The following ANKRD13B variants were observed in gnomAD, a reference collection of about 807,000 sequenced individuals.
ANKRD13B encodes ankyrin repeat domain 13B.
ANKRD13B carries 33 observed loss-of-function variants against 74.4 expected under a neutral mutation model. The observed-to-expected ratio is 0.44, with a 90% CI of 0.34 to 0.59. ANKRD13B has a LOEUF of 0.59. Ranked by LOEUF, ANKRD13B falls within the 20% of genes least tolerant of loss-of-function variation. The probability of loss-of-function intolerance (pLI) is 0.02; values close to 1 mark genes in which losing one functional copy is unlikely to be tolerated. For missense variants in ANKRD13B, 676 were observed against 877.9 expected (o/e 0.77, Z 2.91); for synonymous variants, 341 against 362.9 (o/e 0.94, Z 0.68).
chr17:29,602,252 G>A (rs1041397506), intron 1 of ANKRD13B, among the ~76,000 whole-genome samples: 2 of 152,196 alleles, frequency 1.3e-5, no homozygotes, highest in Middle Eastern at 3.4e-3. Context: ...AAAATTAGCC[G>A]GGCGTGGTGG....
intron 1 of ANKRD13B, among the ~76,000 whole-genome samples, chr17:29,600,796 C>A (rs1236256687): frequency 6.6e-6 from 1 of 152,184 alleles, no homozygotes; most frequent in East Asian, 1.9e-4. Flanking sequence ...TTAGTTTCAG[C>A]TTCCTCTGCT....
intron 1 of ANKRD13B, among the ~76,000 whole-genome samples, chr17:29,606,651 G>A (rs1224596871): frequency 1.3e-5 from 2 of 149,436 alleles, no homozygotes; most frequent in South Asian, 2.1e-4. Context: ...AGCTGCTTGG[G>A]AGGCTGAAAC....
In ANKRD13B at chr17:29,593,608, A is replaced by C; in HGVS notation, c.-14A>C. 4 of 1,288,038 alleles carry C rather than the reference A, an allele frequency of 3.1e-6. No individual in the cohort carries two copies. Among genetic ancestry groups the C allele is most frequent in the East Asian group, 3.8e-5 (1 of 26,590 alleles). The allele number at this position is 1,288,038 out of a possible 1,614,324, so 79.8% of individuals were successfully genotyped here. ...CCCGGCCGGGCGCCGCGGCCCCGGC[A>C]TGAGGAGCGGGCGATGATCCCCGCC... On this transcript the variant is annotated 5_prime_UTR_variant, in exon 1 of 15. It removes an upstream start codon present in the reference 5' UTR. Coordinates refer to ENST00000394859, the MANE Select transcript of ANKRD13B (RefSeq NM_152345.5).
In ANKRD13B at chr17:29,611,732, T is replaced by G. The variant is rs1188739486; in HGVS notation, c.969+89T>G. On this transcript the variant is annotated intron_variant, in intron 9 of 14. Transcript: ENST00000394859. This position sits in a 1 kb window ranked among gnomAD's most constrained non-coding sequence, Gnocchi z 4.3. The stretch of plus-strand genomic sequence containing the variant: ...GAAGCGTCCTGCTTAGCATGGCCTA[T>G]GTGGACCTCCTTTCCACAATGCCCA... The G allele has an allele frequency of 6.3e-7, 1 of 1,579,652 alleles. No individual in the cohort carries two copies. Among genetic ancestry groups the G allele is most frequent in the Non-Finnish European group, 8.7e-7 (1 of 1,150,880 alleles).
At chr17:29,596,610 C>T (rs1384270969) in intron 1 of ANKRD13B, among the ~76,000 whole-genome samples, 1 of 152,176 alleles carries the variant, frequency 6.6e-6, no homozygotes, top group Non-Finnish European at 1.5e-5. Context: ...CTGAAGTGGG[C>T]AGATTGTGGT....
chr17:29,598,939 A>G (rs1229656647), intron 1 of ANKRD13B, among the ~76,000 whole-genome samples: 2 of 152,102 alleles, frequency 1.3e-5, no homozygotes, highest in South Asian at 2.1e-4. Context: ...TCTAGCAAAT[A>G]TTTATGTGCC....
In ANKRD13B at chr17:29,612,845, G is replaced by A. The variant is rs756427362; in HGVS notation, c.1575+30G>A. ...GTCTCCGCGGGCGCGCGGGGCCACG[G>A]GACTCCGCGCCGCCACGGCTAACGC... On this transcript the variant is annotated intron_variant, in intron 13 of 14. Coordinates refer to ENST00000394859, the MANE Select transcript of ANKRD13B (RefSeq NM_152345.5). This position sits in a 1 kb window ranked among gnomAD's most constrained non-coding sequence, Gnocchi z 6.1. The A allele has an allele frequency of 6.2e-7, 1 of 1,600,350 alleles. No homozygotes were observed. The highest frequency in any genetic ancestry group is 1.1e-5 in the South Asian group (1 of 90,784).
intron 1 of ANKRD13B, 42 bp downstream of exon 1, chr17:29,593,777 G>T (rs543202795): frequency 8.0e-7 from 1 of 1,257,064 alleles, no homozygotes; most frequent in Non-Finnish European, 1.0e-6. Flanking sequence ...CCGCGGCCGG[G>T]CACGCCCGTC....
At position 29,611,548 on chromosome 17, in the gene ANKRD13B, G is replaced by A. The variant is rs761098279; in HGVS notation, c.905-31G>A. 22 of 1,608,832 alleles carry A rather than the reference G, an allele frequency of 1.4e-5. 1 individual carries two copies. The highest frequency in any genetic ancestry group is 6.7e-5 in the Admixed American group (4 of 59,982). ...GGTGCCCAGGTGTGTGTGGAGTTGC[G>A]GTGTCCTCTGAGATGCCACATTTCT... On this transcript the variant is annotated intron_variant, in intron 8 of 14. Coordinates refer to ENST00000394859, the MANE Select transcript of ANKRD13B (RefSeq NM_152345.5). The surrounding 1 kb of genome is among the most constrained non-coding windows in gnomAD (Gnocchi z 4.3).
intron 7 of ANKRD13B, among the ~76,000 whole-genome samples, chr17:29,610,346 AC>A (rs2034539491): frequency 6.6e-6 from 1 of 151,958 alleles, no homozygotes; most frequent in African/African-American, 2.4e-5. Flanking sequence ...CCTCTGTGCT[AC>A]CCCCACCAGT....
rs1312541382 is a variant in ANKRD13B at position 29,612,595 on chromosome 17, C to T, written c.1411+41C>T. On this transcript the variant is annotated intron_variant, in intron 12 of 14. Transcript: ENST00000394859. This position sits in a 1 kb window ranked among gnomAD's most constrained non-coding sequence, Gnocchi z 6.1. Reference sequence around the variant, plus strand: ...AGAACGCCTGCCCCTCGGCTCTCCCCGGGGTGGGTGGGAGGGGCGCGCCCG... The same window carrying T: ...AGAACGCCTGCCCCTCGGCTCTCCCTGGGGTGGGTGGGAGGGGCGCGCCCG... The T allele has an allele frequency of 5.4e-4, 25 of 46,068 alleles. No homozygotes were observed. The highest frequency in any genetic ancestry group is 4.3e-3 in the African/African-American group (21 of 4,830). 2.9% of individuals were successfully genotyped at this position (46,068 alleles called of 1,614,324 possible). A position where few individuals can be genotyped will look rare whatever the true frequency, so the allele number is the denominator to read the frequency against.
At chr17:29,598,278 T>C (rs2034030694) in intron 1 of ANKRD13B, among the ~76,000 whole-genome samples, 1 of 152,198 alleles carries the variant, frequency 6.6e-6, no homozygotes, top group Non-Finnish European at 1.5e-5. Context: ...CTATAAAAAT[T>C]ATATAAATAA....
chr17:29,603,285 A>G (rs1356173740), intron 1 of ANKRD13B, among the ~76,000 whole-genome samples: 2 of 152,194 alleles, frequency 1.3e-5, no homozygotes, highest in Non-Finnish European at 2.9e-5. Context: ...TCTGTTGCCC[A>G]GGCTGGAGTG....
At chr17:29,596,885 G>T (rs1422619221) in intron 1 of ANKRD13B, among the ~76,000 whole-genome samples, 2 of 152,314 alleles carry the variant, frequency 1.3e-5, no homozygotes, top group African/African-American at 4.8e-5. Context: ...ATGAGGGGGA[G>T]GGGCTGCAAG....
At chr17:29,605,238 CT>C (rs1567789649) in intron 1 of ANKRD13B, among the ~76,000 whole-genome samples, 1 of 152,126 alleles carries the variant, frequency 6.6e-6, no homozygotes, top group African/African-American at 2.4e-5. Flanking sequence ...TCTGCTCGGG[CT>C]TCCCCTCCTT....
chr17:29,608,767 G>A lies in ANKRD13B; in HGVS notation c.422-84G>A, dbSNP rs987065124. 2.2e-5 allele frequency: 34 copies of A among 1,555,316 alleles called. No homozygotes were observed. The South Asian group carries it at 3.0e-4, about 14-fold the overall frequency. On this transcript the variant is annotated intron_variant, in intron 4 of 14. Transcript: ENST00000394859. The surrounding 1 kb of genome is among the most constrained non-coding windows in gnomAD (Gnocchi z 6.4). Reference sequence around the variant, plus strand: ...TTCCCTCCCCTGTTCCTGGCCACACGGATCCCAAACCCCATGCCCTGAGCT... The same window carrying A: ...TTCCCTCCCCTGTTCCTGGCCACACAGATCCCAAACCCCATGCCCTGAGCT...
intron 1 of ANKRD13B, among the ~76,000 whole-genome samples, chr17:29,606,199 C>T (rs2034368182): frequency 6.6e-6 from 1 of 151,378 alleles, no homozygotes; most frequent in Non-Finnish European, 1.5e-5. Context: ...GCGTGAGCTA[C>T]CGCGCCTGGC....
At position 29,609,252 on chromosome 17, in the gene ANKRD13B, C is replaced by T. The variant is rs2034495001; in HGVS notation, c.732C>T (p.Asp244=). ...CGCCCGTCGTCACCACTCAGCTTGA[C>T]ACCAAGAATATCTCCTTTGAGAGGT... ...LTAPVVTTQL[D]TKNISFERNK... Residue 244 remains aspartate, a synonymous_variant, in exon 6 of 15, where the codon GAC becomes GAT. Transcript: ENST00000394859. This position sits in a 1 kb window ranked among gnomAD's most constrained non-coding sequence, Gnocchi z 4.0. The T allele has an allele frequency of 1.2e-6, 2 of 1,613,068 alleles. No individual in the cohort carries two copies. The highest frequency in any genetic ancestry group is 8.5e-7 in the Non-Finnish European group (1 of 1,179,682).
intron 1 of ANKRD13B, among the ~76,000 whole-genome samples, chr17:29,604,877 G>A (rs1013010073): frequency 4.6e-5 from 7 of 152,208 alleles, no homozygotes; most frequent in Admixed American, 3.3e-4. Context: ...GGTGGGTCTA[G>A]GTGAGCCTTT....
Sources: allele counts gnomAD v4.1 joint callset (sites outside exome capture counted in the v4.1 genomes callset), GRCh38; gene constraint gnomAD v4.1.1; non-coding constraint Gnocchi (gnomAD v3.1); transcripts MANE v1.5; gene names NCBI Gene and HGNC (gene_info 2026-07-23, HGNC 2026-07-21).